Variants in KCNIP4 observed in about 807,000 individuals in gnomAD.
KCNIP4 encodes potassium voltage-gated channel interacting protein 4.
In KCNIP4, 12 loss-of-function variants were observed where a neutral mutation model predicts 34.0. That is an observed-to-expected ratio of 0.35 (90% CI 0.23 to 0.57). The LOEUF is 0.57. KCNIP4 is among the 20% of genes least tolerant of loss of function. KCNIP4 has a pLI of 0.83. For missense variants in KCNIP4, 238 were observed against 311.7 expected (o/e 0.76, Z 1.78); for synonymous variants, 124 against 102.2 (o/e 1.21, Z -1.29).
intron 1 of KCNIP4, among the ~76,000 whole-genome samples, chr4:21,703,572 A>G (rs1577874562): frequency 6.6e-6 from 1 of 152,270 alleles, no homozygotes; most frequent in East Asian, 1.9e-4. Flanking sequence ...GTATTCAATT[A>G]TACTACTTGA....
At chr4:20,730,338 GA>G (rs1339882742) in intron 8 of KCNIP4, among the ~76,000 whole-genome samples, 1 of 152,078 alleles carries the variant, frequency 6.6e-6, no homozygotes, top group African/African-American at 2.4e-5. Flanking sequence ...ATATTTTGTG[GA>G]GTCTATTGAC....
At chr4:20,744,062 G>C (rs1751833945) in intron 5 of KCNIP4, among the ~76,000 whole-genome samples, 1 of 152,154 alleles carries the variant, frequency 6.6e-6, no homozygotes, top group East Asian at 1.9e-4. Context: ...ACCACAATGA[G>C]ATACCATCTC....
At chr4:20,864,649 C>G (rs886744542) in intron 2 of KCNIP4, among the ~76,000 whole-genome samples, 17 of 151,896 alleles carry the variant, frequency 1.1e-4, no homozygotes, top group African/African-American at 4.1e-4. Flanking sequence ...TTCATGCACC[C>G]AAATAAGAAT....
intron 1 of KCNIP4, among the ~76,000 whole-genome samples, chr4:21,663,316 T>G (rs1181223381): frequency 6.6e-6 from 1 of 152,168 alleles, no homozygotes; most frequent in Non-Finnish European, 1.5e-5. Context: ...TAAAAATTTT[T>G]CCTAAAGTGT....
chr4:21,071,696 G>A (rs1744941450), intron 1 of KCNIP4, among the ~76,000 whole-genome samples: 1 of 152,020 alleles, frequency 6.6e-6, no homozygotes, highest in Admixed American at 6.6e-5. Flanking sequence ...ACAATGTGCA[G>A]GTTTGTTACA....
intron 1 of KCNIP4, among the ~76,000 whole-genome samples, chr4:21,787,089 A>G (rs1438857555): frequency 2.0e-5 from 3 of 152,190 alleles, no homozygotes; most frequent in Admixed American, 1.3e-4. Context: ...AACACCCGAC[A>G]TAACACCATG....
chr4:21,545,393 A>G (rs1738058066), intron 1 of KCNIP4, among the ~76,000 whole-genome samples: 1 of 151,874 alleles, frequency 6.6e-6, no homozygotes, highest in African/African-American at 2.4e-5. Flanking sequence ...TTCTTTTTTT[A>G]TTATTATTAC....
intron 1 of KCNIP4, among the ~76,000 whole-genome samples, chr4:21,601,063 G>T (rs565893903): frequency 2.0e-4 from 30 of 151,120 alleles, no homozygotes; most frequent in Non-Finnish European, 4.1e-4. Flanking sequence ...ATCCCTTTAT[G>T]CTTACCACAC....
chr4:21,301,876 G>A (rs1395614000), intron 1 of KCNIP4, among the ~76,000 whole-genome samples: 3 of 152,150 alleles, frequency 2.0e-5, no homozygotes, highest in African/African-American at 7.2e-5. Context: ...TTACTTTGGA[G>A]ATTTGTCTTA....
intron 1 of KCNIP4, among the ~76,000 whole-genome samples, chr4:21,173,362 G>A (rs1754157045): frequency 6.6e-6 from 1 of 152,096 alleles, no homozygotes; most frequent in South Asian, 2.1e-4. Context: ...CATATCACGT[G>A]AGTAGTAAGC....
At chr4:21,545,752 T>C (rs1738101852) in intron 1 of KCNIP4, among the ~76,000 whole-genome samples, 1 of 152,182 alleles carries the variant, frequency 6.6e-6, no homozygotes, top group African/African-American at 2.4e-5. Context: ...CCATGGTGTA[T>C]ATGTGCCCAT....
At chr4:21,919,887 T>C (rs991198257) in intron 1 of KCNIP4, among the ~76,000 whole-genome samples, 1 of 152,162 alleles carries the variant, frequency 6.6e-6, no homozygotes, top group African/African-American at 2.4e-5. Flanking sequence ...CTGGATCAGA[T>C]TTCTTGTTAA....
At chr4:21,172,238 G>A (rs1229510831) in intron 1 of KCNIP4, among the ~76,000 whole-genome samples, 3 of 152,130 alleles carry the variant, frequency 2.0e-5, no homozygotes, top group African/African-American at 4.8e-5. Flanking sequence ...CACCACATTG[G>A]CCAGTCTGGT....
intron 1 of KCNIP4, among the ~76,000 whole-genome samples, chr4:21,781,062 C>T (rs564720669): frequency 1.7e-4 from 26 of 152,262 alleles, no homozygotes; most frequent in African/African-American, 6.3e-4. Flanking sequence ...CTAAATTCAT[C>T]TGATATGGTT....
chr4:21,588,807 AT>A (rs139071400), intron 1 of KCNIP4, among the ~76,000 whole-genome samples: 11,292 of 151,442 alleles, frequency 0.075, 647 homozygotes, highest in African/African-American at 0.16. Flanking sequence ...AAATGTTCCT[AT>A]TTTTTTTGTA....
At chr4:21,286,577 A>T (rs928438669) in intron 1 of KCNIP4, among the ~76,000 whole-genome samples, 4 of 152,136 alleles carry the variant, frequency 2.6e-5, no homozygotes, top group Non-Finnish European at 5.9e-5. Flanking sequence ...TAAATGAGAA[A>T]TTTGCCCTAG....
chr4:21,698,107 TCTA>T (rs1712537592), intron 1 of KCNIP4, among the ~76,000 whole-genome samples: 1 of 152,322 alleles, frequency 6.6e-6, no homozygotes, highest in East Asian at 1.9e-4. Context: ...TGACCCTGAT[TCTA>T]AACAGACTTG....
intron 1 of KCNIP4, among the ~76,000 whole-genome samples, chr4:21,522,259 T>A (rs1195706605): frequency 6.6e-6 from 1 of 152,170 alleles, no homozygotes; most frequent in Non-Finnish European, 1.5e-5. Flanking sequence ...AGGCACCACA[T>A]TTTTTAACCT....
intron 1 of KCNIP4, among the ~76,000 whole-genome samples, chr4:21,082,488 C>A (rs1447249390): frequency 6.6e-6 from 1 of 151,780 alleles, no homozygotes; most frequent in African/African-American, 2.4e-5. Context: ...TGAACTCAAG[C>A]CTCTGTAGTA....
Sources: allele counts gnomAD v4.1 joint callset (sites outside exome capture counted in the v4.1 genomes callset), GRCh38; gene constraint gnomAD v4.1.1; transcripts MANE v1.5; gene names NCBI Gene and HGNC (gene_info 2026-07-23, HGNC 2026-07-21).